Variants in WNT9B observed in about 807,000 individuals in gnomAD.
The protein encoded by WNT9B is Wnt family member 9B, also known as protein Wnt-9b.
In WNT9B, 12 loss-of-function variants were observed where a neutral mutation model predicts 30.2. The ratio of observed to expected loss-of-function variants is 0.40; its 90% CI spans 0.26 to 0.64. The LOEUF is 0.64. WNT9B is among the 30% of genes least tolerant of loss of function. WNT9B has a pLI of 0.42. For synonymous variants in WNT9B, 218 were observed against 216.9 expected, an observed-to-expected ratio of 1.01 and a Z score of -0.05; for missense variants, 442 against 485.2, an observed-to-expected ratio of 0.91 and a Z score of 0.84.
downstream of WNT9B, among the ~76,000 whole-genome samples, chr17:46,880,899 C>T (rs1014695987): frequency 2.0e-5 from 3 of 152,208 alleles, no homozygotes; most frequent in Non-Finnish European, 4.4e-5. Context: ...AGCCCTCATG[C>T]TATGGCAAGC....
At chr17:46,883,397 G>GAAC (rs2085449694), downstream of WNT9B, among the ~76,000 whole-genome samples, 1 of 150,962 alleles carries the variant, frequency 6.6e-6, no homozygotes, top group African/African-American at 2.4e-5. Context: ...TGAGTCTCCT[G>GAAC]CCTCAGCCTA....
chr17:46,863,543 G>A (rs575919412), intron 1 of WNT9B, among the ~76,000 whole-genome samples: 90 of 152,296 alleles, frequency 5.9e-4, no homozygotes, highest in African/African-American at 2.0e-3. Flanking sequence ...TGGTTAGAGG[G>A]GGATGGGGCT....
At chr17:46,861,138 A>G (rs1207408410) in intron 1 of WNT9B, among the ~76,000 whole-genome samples, 1 of 152,210 alleles carries the variant, frequency 6.6e-6, no homozygotes, top group Non-Finnish European at 1.5e-5. Flanking sequence ...CTGTCCCCTT[A>G]GGGCAGCTCT....
chr17:46,872,428 A>G (rs1166489822), intron 1 of WNT9B, 89 bp from the exon 2 acceptor site: 1 of 1,395,232 alleles, frequency 7.2e-7, no homozygotes. Flanking sequence ...AGGGCAGTAA[A>G]TGAAGCCCCT....
At chr17:46,840,361 C>T (rs2084699027) in intron 1 of WNT9B, among the ~76,000 whole-genome samples, 1 of 152,228 alleles carries the variant, frequency 6.6e-6, no homozygotes, top group Admixed American at 6.5e-5. Flanking sequence ...GCTGGGATTA[C>T]AGGCGCGAGC....
At chr17:46,870,157 C>T (rs74624123) in intron 1 of WNT9B, among the ~76,000 whole-genome samples, 4,535 of 152,266 alleles carry the variant, frequency 0.03, 291 homozygotes, top group East Asian at 0.25. Flanking sequence ...TGCTTGCTCT[C>T]CCCTCTGTCA....
intron 1 of WNT9B, among the ~76,000 whole-genome samples, chr17:46,840,015 CTTTCT>C (rs1478237525): frequency 1.2e-5 from 1 of 86,406 alleles, no homozygotes; most frequent in Non-Finnish European, 2.2e-5. Flanking sequence ...TTCTTTCTTT[CTTTCT>C]TTCTTTCTTT....
intron 1 of WNT9B, among the ~76,000 whole-genome samples, chr17:46,838,542 G>A (rs1035604723): frequency 3.3e-5 from 5 of 152,026 alleles, no homozygotes; most frequent in Non-Finnish European, 5.9e-5. Context: ...CAGGAGGATC[G>A]CTTGAGCCTG....
Position 46,876,329 on chromosome 17 carries a change from T to C in WNT9B, c.685T>C (p.Ser229Pro), listed in dbSNP as rs1555697699. Residue 229 changes from serine (S) to proline (P), a missense_variant, in exon 4 of 4, where the codon TCC becomes CCC. Coordinates refer to ENST00000290015, the MANE Select transcript of WNT9B (RefSeq NM_003396.3). ...CGTGCGCACCTGCTGGAAGCAGCTC[T>C]CCCCGTTCCGTGAGACGGGCCAGGT... ...CAVRTCWKQL[S>P]PFRETGQVLK... The C allele has an allele frequency of 1.4e-5, 22 of 1,614,132 alleles. No individual in the cohort carries two copies. The South Asian group carries it at 2.3e-4, about 17-fold the overall frequency.
intron 1 of WNT9B, among the ~76,000 whole-genome samples, chr17:46,860,007 A>G (rs2085008354): frequency 6.6e-6 from 1 of 152,216 alleles, no homozygotes; most frequent in Admixed American, 6.5e-5. Context: ...GGCCTGAGAA[A>G]AACATAGTTG....
exon 5 of WNT9B, chr17:46,886,100 C>T (rs1400365635): frequency 6.6e-6 from 1 of 152,368 alleles, no homozygotes; most frequent in African/African-American, 2.4e-5. Context: ...CTTTCTCTCC[C>T]TCCAGCGCTT....
chr17:46,883,172 C>T (rs190154924), downstream of WNT9B, among the ~76,000 whole-genome samples: 474 of 151,982 alleles, frequency 3.1e-3, 8 homozygotes, highest in Admixed American at 0.026. Flanking sequence ...TTAGTAGAGA[C>T]GGGGTTTCAC....
chr17:46,875,414 A>G, intron 3 of WNT9B, 48 bp downstream of exon 3: 1 of 1,521,426 alleles, frequency 6.6e-7, no homozygotes, highest in Non-Finnish European at 8.8e-7. Context: ...CAGGGTACAC[A>G]GCTGGGGAGC....
At chr17:46,858,414 G>T (rs1456926997) in intron 1 of WNT9B, among the ~76,000 whole-genome samples, 1 of 152,170 alleles carries the variant, frequency 6.6e-6, no homozygotes, top group Non-Finnish European at 1.5e-5. Context: ...TTCTACCCAA[G>T]AAATCTCTGC....
upstream of WNT9B, among the ~76,000 whole-genome samples, chr17:46,847,683 G>A (rs940427477): frequency 1.3e-4 from 20 of 152,148 alleles, no homozygotes; most frequent in African/African-American, 4.6e-4. Flanking sequence ...AGCTGCTGGG[G>A]CATCATCTGT....
Position 46,876,408 on chromosome 17 carries a change from C to A in WNT9B, c.764C>A (p.Ala255Asp). 6.2e-7 allele frequency: 1 copy of A among 1,613,850 alleles called. No individual in the cohort carries two copies. Among genetic ancestry groups the A allele is most frequent in the Non-Finnish European group, 8.5e-7 (1 of 1,180,044 alleles). The change falls in exon 4 of 4, where the codon GCC becomes GAC. Residue 255 changes from alanine (A) to aspartate (D), a missense_variant. Transcript: ENST00000290015. ...AVKVSSATNE[A>D]LGRLELWAPA... ...AAGGTGTCCAGTGCCACCAATGAGG[C>A]CTTGGGCCGCCTAGAGCTGTGGGCC...
upstream of WNT9B, among the ~76,000 whole-genome samples, chr17:46,849,452 G>T (rs4968278): frequency 6.6e-6 from 1 of 152,098 alleles, no homozygotes; most frequent in Non-Finnish European, 1.5e-5. Flanking sequence ...TGCCTAGGGG[G>T]TGTGGCTGGG....
intron 1 of WNT9B, among the ~76,000 whole-genome samples, chr17:46,854,726 TCTCGG>T (rs1487120489): frequency 3.3e-5 from 5 of 152,194 alleles, no homozygotes; most frequent in Non-Finnish European, 7.3e-5. Context: ...AGTGTCATGA[TCTCGG>T]CTCACTGCAA....
At chr17:46,873,684 C>G (rs371433039) in intron 2 of WNT9B, among the ~76,000 whole-genome samples, 1 of 152,224 alleles carries the variant, frequency 6.6e-6, no homozygotes, top group Non-Finnish European at 1.5e-5. Context: ...TATGATGAAA[C>G]CCCGTCTCTA....
Sources: allele counts gnomAD v4.1 joint callset (sites outside exome capture counted in the v4.1 genomes callset), GRCh38; gene constraint gnomAD v4.1.1; transcripts MANE v1.5; gene names NCBI Gene and HGNC (gene_info 2026-07-23, HGNC 2026-07-21).